FBRSL1: variants seen among roughly 807,000 people sequenced by gnomAD.
The protein encoded by FBRSL1 is fibrosin like 1.
In FBRSL1, 51 loss-of-function variants were observed where a neutral mutation model predicts 89.6. The ratio of observed to expected loss-of-function variants is 0.57; its 90% confidence interval spans 0.45 to 0.72. FBRSL1 has a LOEUF of 0.72. Among genes scored for constraint, FBRSL1 ranks in the 30% least tolerant of loss-of-function variants. The pLI is 0.00. For synonymous variants in FBRSL1, 779 were observed against 681.1 expected, an observed-to-expected ratio of 1.14 and a Z score of -2.24; for missense variants, 1,618 against 1,451.8, an observed-to-expected ratio of 1.11 and a Z score of -1.86.
intron 5 of FBRSL1, among the ~76,000 whole-genome samples, chr12:132,558,204 C>T (rs575794772): frequency 1.4e-4 from 21 of 152,304 alleles, no homozygotes; most frequent in African/African-American, 4.8e-4. Context: ...GAGGGCTCCA[C>T]GCATTTCAAA....
rs1279015145 is a variant in FBRSL1 at position 132,490,158 on chromosome 12, G to C, written c.-413G>C. On this transcript the variant is annotated 5_prime_UTR_variant, in exon 1 of 19. Transcript: ENST00000680143. ...GCAGCCGGGCGGAAGTGCGTCAGTT[G>C]TTATCTGTTCGGGGCGCCGCCGCCG... is the stretch of plus-strand genomic sequence containing the variant. 3.0e-5 allele frequency: 4 copies of C among 134,902 alleles called. No individual in the cohort carries two copies. Among genetic ancestry groups the C allele is most frequent in the African/African-American group, 1.0e-4 (4 of 39,440 alleles). The allele number at this position is 134,902 out of a possible 1,614,324, so 8.4% of individuals were successfully genotyped here.
intron 6 of FBRSL1, 51 bp downstream of exon 6, chr12:132,567,577 C>T (rs773287605): frequency 3.1e-5 from 47 of 1,517,126 alleles, no homozygotes; most frequent in Admixed American, 9.9e-5. Flanking sequence ...AGACACAATG[C>T]GCCCTGCGTC....
At chr12:132,509,110 G>T in intron 2 of FBRSL1, 3 of 1,188,580 alleles carry the variant, frequency 2.5e-6, no homozygotes, top group Non-Finnish European at 3.1e-6. Context: ...GCTGGACGGG[G>T]GTTCCGCGGG....
intron 4 of FBRSL1, among the ~76,000 whole-genome samples, chr12:132,538,392 C>T (rs571496474): frequency 1.7e-3 from 265 of 152,324 alleles, no homozygotes; most frequent in Non-Finnish European, 2.9e-3. Flanking sequence ...TGTCTCTTCA[C>T]GGGCCTGGAC....
chr12:132,504,120 A>C (rs1438713542), intron 1 of FBRSL1, among the ~76,000 whole-genome samples: 1 of 152,090 alleles, frequency 6.6e-6, no homozygotes, highest in Non-Finnish European at 1.5e-5. Flanking sequence ...GGTTCTCCAG[A>C]GCCTCCTGCC....
At chr12:132,513,321 C>T (rs962400253) in intron 2 of FBRSL1, among the ~76,000 whole-genome samples, 13 of 152,190 alleles carry the variant, frequency 8.5e-5, no homozygotes, top group Admixed American at 4.6e-4. Context: ...GGTTGGTACT[C>T]AGTGGGGCTG....
intron 2 of FBRSL1, chr12:132,511,263 C>A (rs528234877): frequency 1.2e-5 from 12 of 985,470 alleles, no homozygotes; most frequent in South Asian, 4.7e-5. Context: ...GGTCTCCAGG[C>A]GAGGGGGACC....
intron 5 of FBRSL1, among the ~76,000 whole-genome samples, chr12:132,555,645 C>T (rs1281311401): frequency 6.6e-6 from 1 of 152,190 alleles, no homozygotes; most frequent in Non-Finnish European, 1.5e-5. Flanking sequence ...GAGGAGGATC[C>T]TTCCTGCCTC....
chr12:132,531,129 C>T (rs931021544), intron 4 of FBRSL1, among the ~76,000 whole-genome samples: 1 of 152,202 alleles, frequency 6.6e-6, no homozygotes, highest in East Asian at 1.9e-4. Context: ...GAGGCCAGAC[C>T]ACCCCAGGGG....
At chr12:132,577,396 C>T (rs1414403911) in intron 15 of FBRSL1, among the ~76,000 whole-genome samples, 2 of 152,174 alleles carry the variant, frequency 1.3e-5, no homozygotes, top group Non-Finnish European at 2.9e-5. Flanking sequence ...AGGAGTTTGG[C>T]CTCTCGCTGA....
chr12:132,495,010 G>A (rs1488310276), intron 1 of FBRSL1, among the ~76,000 whole-genome samples: 4 of 152,216 alleles, frequency 2.6e-5, no homozygotes. Context: ...TGGGCGAGCT[G>A]TGACCCCTGC....
intron 2 of FBRSL1, among the ~76,000 whole-genome samples, chr12:132,523,303 C>T (rs935280542): frequency 1.3e-5 from 2 of 152,158 alleles, no homozygotes; most frequent in African/African-American, 4.8e-5. Context: ...CCCAGTTCTA[C>T]AGGGTTTTTC....
chr12:132,544,524 C>T (rs2037520363), intron 4 of FBRSL1, among the ~76,000 whole-genome samples: 1 of 152,174 alleles, frequency 6.6e-6, no homozygotes. Flanking sequence ...TCGTTCTTGG[C>T]TTTGTGGGCA....
In FBRSL1 at chr12:132,571,247, G is replaced by GC; in HGVS notation, c.1377+20dup. The GC allele has an allele frequency of 6.8e-7, 1 of 1,472,244 alleles. No homozygotes were observed. The highest frequency in any genetic ancestry group is 9.1e-7 in the Non-Finnish European group (1 of 1,101,386). The allele number at this position is 1,472,244 out of a possible 1,614,324, so 91.2% of individuals were successfully genotyped here. A position where few individuals can be genotyped will look rare whatever the true frequency, so the allele number is the denominator to read the frequency against. On this transcript the variant is annotated intron_variant, in intron 9 of 18. Transcript: ENST00000680143. ...GGAGTGCCAGGTGACTATCCGCCTC[G>GC]CCCCGCCGGGAGCCCGCGGCCAACG...
Position 132,555,615 on chromosome 12 carries a change from T to G in FBRSL1, c.645+7583T>G, listed in dbSNP as rs77721942. Among the ~76,000 whole-genome samples the G allele has an allele frequency of 1.8e-3, 268 of 152,276 alleles. 8 individuals carry two copies. In the East Asian group the frequency reaches 0.046, roughly 26 times the overall value. On this transcript the variant is annotated intron_variant, in intron 5 of 18. Coordinates refer to ENST00000680143, the MANE Select transcript of FBRSL1 (RefSeq NM_001367871.1). ...GTCTGGCATCATGGTGTTGGGTTCATGCTCCCTCCAGAGGCCCCAGAGGAG... is the reference window on the plus strand; with the variant it reads ...GTCTGGCATCATGGTGTTGGGTTCAGGCTCCCTCCAGAGGCCCCAGAGGAG...
At chr12:132,567,459 G>A (rs770584383) in intron 5 of FBRSL1, 22 bp from the exon 6 acceptor site, 2 of 1,550,900 alleles carry the variant, frequency 1.3e-6, no homozygotes, top group Non-Finnish European at 1.7e-6. Context: ...GACTGCCCCT[G>A]ACCCCCCTTC....
At chr12:132,576,772 C>CG in intron 14 of FBRSL1, 27 bp from the exon 15 acceptor site, 1 of 1,542,752 alleles carries the variant, frequency 6.5e-7, no homozygotes, top group Non-Finnish European at 8.8e-7. Flanking sequence ...CCCGGGCAGG[C>CG]GGCCCTCACC....
rs1457495962 is a variant in FBRSL1 at position 132,572,280 on chromosome 12, C to T, written c.1378-8C>T. On this transcript the variant is annotated splice_region_variant and splice_polypyrimidine_tract_variant and intron_variant, in intron 9 of 18. Transcript: ENST00000680143. ...GCGGGGCCTCACCCTCCTCTCCTTC[C>T]CTTCCAGTTTGACAAGTATGCGCCC... The T allele has an allele frequency of 6.4e-7, 1 of 1,550,802 alleles. No individual in the cohort carries two copies. The highest frequency in any genetic ancestry group is 1.4e-5 in the African/African-American group (1 of 73,048).
intron 4 of FBRSL1, among the ~76,000 whole-genome samples, chr12:132,530,798 G>A (rs543133622): frequency 2.6e-4 from 39 of 151,818 alleles, no homozygotes; most frequent in Middle Eastern, 3.4e-3. Flanking sequence ...CCTCCAAGCC[G>A]CAGGAGCCTG....
Sources: allele counts gnomAD v4.1 joint callset (sites outside exome capture counted in the v4.1 genomes callset), GRCh38; gene constraint gnomAD v4.1.1; transcripts MANE v1.5; gene names NCBI Gene and HGNC (gene_info 2026-07-23, HGNC 2026-07-21).